The following PAPPA2 variants were observed in gnomAD, a reference collection of about 807,000 sequenced individuals.
PAPPA2 encodes the protein pappalysin-2.
In PAPPA2, 86 loss-of-function variants were observed where a neutral mutation model predicts 176.4. That is an observed-to-expected ratio of 0.49 (90% CI 0.41 to 0.58). The LOEUF is 0.58. Ranked by LOEUF, PAPPA2 falls within the 20% of genes least tolerant of loss-of-function variation. The pLI, the probability that PAPPA2 is intolerant of heterozygous loss-of-function variation, is 0.00. For missense variants in PAPPA2, 2,073 were observed against 2,256.9 expected (o/e 0.92, Z 1.65); for synonymous variants, 809 against 852.2 (o/e 0.95, Z 0.88).
At chr1:176,660,840 A>T (rs1419657668) in intron 3 of PAPPA2, among the ~76,000 whole-genome samples, 1 of 152,150 alleles carries the variant, frequency 6.6e-6, no homozygotes, top group Non-Finnish European at 1.5e-5. Flanking sequence ...AAATTTGTTT[A>T]TTTAATAATG....
intron 2 of PAPPA2, among the ~76,000 whole-genome samples, chr1:176,587,864 T>G (rs1653417270): frequency 6.6e-6 from 1 of 152,262 alleles, no homozygotes; most frequent in Non-Finnish European, 1.5e-5. Flanking sequence ...CTGCACGTTG[T>G]GCACATGTAC....
chr1:176,467,320 A>C (rs1651670844), intron 1 of PAPPA2, among the ~76,000 whole-genome samples: 5 of 152,190 alleles, frequency 3.3e-5, no homozygotes, highest in Admixed American at 3.3e-4. Flanking sequence ...TTGTAAGTTC[A>C]AGCAAGCTGA....
In PAPPA2 at chr1:176,724,362, G is replaced by T. The variant is rs1191472443; in HGVS notation, c.3798+12381G>T. Among the ~76,000 whole-genome samples, 4 of 152,276 alleles carry T rather than the reference G, an allele frequency of 2.6e-5. No homozygotes were observed. The South Asian group carries it at 8.3e-4, about 32-fold the overall frequency. ...CAGAAGGCATAATTCTTCCCAGAAA[G>T]TCCTTTGTATCTAAGTAATATAGAC... is the stretch of plus-strand genomic sequence containing the variant. On this transcript the variant is annotated intron_variant, in intron 12 of 22. Transcript: ENST00000367662.
At chr1:176,539,150 G>T (rs764533239) in intron 1 of PAPPA2, among the ~76,000 whole-genome samples, 1 of 152,186 alleles carries the variant, frequency 6.6e-6, no homozygotes, top group African/African-American at 2.4e-5. Context: ...CCCGGGTGCT[G>T]GTGCAGTTAG....
intron 1 of PAPPA2, among the ~76,000 whole-genome samples, chr1:176,541,581 C>T (rs1437287831): frequency 6.6e-6 from 1 of 152,182 alleles, no homozygotes; most frequent in South Asian, 2.1e-4. Context: ...AATAAATTTT[C>T]CTGCATCCTG....
chr1:176,829,029 A>T (rs761001930), intron 21 of PAPPA2, among the ~76,000 whole-genome samples: 5 of 152,112 alleles, frequency 3.3e-5, no homozygotes, highest in Non-Finnish European at 5.9e-5. Flanking sequence ...AAATAAATAA[A>T]GGAAAGAAAA....
intron 4 of PAPPA2, among the ~76,000 whole-genome samples, chr1:176,678,060 T>C (rs754499890): frequency 1.3e-5 from 2 of 152,142 alleles, no homozygotes; most frequent in Non-Finnish European, 2.9e-5. Context: ...AATTGAAGGA[T>C]AAGCAGGAGT....
intron 21 of PAPPA2, 88 bp downstream of exon 21, chr1:176,800,220 G>T: frequency 1.6e-6 from 2 of 1,287,102 alleles, no homozygotes; most frequent in Non-Finnish European, 1.1e-6. Context: ...TTTAGGACCT[G>T]GTCCCTCTCC....
intron 21 of PAPPA2, among the ~76,000 whole-genome samples, chr1:176,801,033 C>T (rs73048170): frequency 9.9e-4 from 150 of 151,908 alleles, no homozygotes; most frequent in African/African-American, 3.4e-3. Flanking sequence ...TTAAATAGGG[C>T]AGAATATTTC....
At chr1:176,791,295 C>G (rs756942347) in intron 18 of PAPPA2, 52 bp from the exon 19 acceptor site, 9 of 1,390,618 alleles carry the variant, frequency 6.5e-6, no homozygotes, top group Admixed American at 2.0e-5. Context: ...TTTTTCAACT[C>G]TCAATAAAGT....
Position 176,556,870 on chromosome 1 carries a change from C to G in PAPPA2, c.548C>G (p.Pro183Arg), listed in dbSNP as rs1651336616. ...GCCATTTTCACAACCCTGAACGAAC[C>G]CAAACCAGAGACCCAAAGGAGGGGC... The part of the protein sequence containing the change: ...TTAIFTTLNE[P>R]KPETQRRGWA... The change falls in exon 2 of 23, where the codon CCC (proline) becomes CGC (arginine). Residue 183 changes from proline (P) to arginine (R), a missense_variant. Coordinates refer to ENST00000367662, the MANE Select transcript of PAPPA2 (RefSeq NM_020318.3). 6.2e-7 allele frequency: 1 copy of G among 1,614,104 alleles called. No individual in the cohort carries two copies. Among genetic ancestry groups the G allele is most frequent in the Non-Finnish European group, 8.5e-7 (1 of 1,180,030 alleles).
At chr1:176,723,690 C>T (rs1456487341) in intron 12 of PAPPA2, among the ~76,000 whole-genome samples, 1 of 151,648 alleles carries the variant, frequency 6.6e-6, no homozygotes, top group Non-Finnish European at 1.5e-5. Flanking sequence ...ATCTTACTTG[C>T]CCAAAAAAAA....
chr1:176,691,400 C>T (rs1441317807), intron 5 of PAPPA2, among the ~76,000 whole-genome samples: 1 of 152,138 alleles, frequency 6.6e-6, no homozygotes, highest in Admixed American at 6.5e-5. Context: ...GTGAATAATT[C>T]AGGTGCATCA....
At chr1:176,625,990 T>C (rs1655983692) in intron 3 of PAPPA2, among the ~76,000 whole-genome samples, 1 of 152,038 alleles carries the variant, frequency 6.6e-6, no homozygotes, top group South Asian at 2.1e-4. Flanking sequence ...GCCACTGCTC[T>C]CCAGCCTGGG....
At chr1:176,809,334 T>C (rs986838701) in intron 21 of PAPPA2, among the ~76,000 whole-genome samples, 11 of 152,216 alleles carry the variant, frequency 7.2e-5, no homozygotes, top group Non-Finnish European at 1.5e-4. Flanking sequence ...CAAATTTAAC[T>C]TCATTGGAGT....
At chr1:176,825,476 T>C (rs1277700900) in intron 21 of PAPPA2, among the ~76,000 whole-genome samples, 1 of 152,208 alleles carries the variant, frequency 6.6e-6, no homozygotes, top group Non-Finnish European at 1.5e-5. Context: ...CCCTCTAGTA[T>C]GTCAGCGGCT....
chr1:176,597,237 T>C (rs1268638466), intron 3 of PAPPA2, among the ~76,000 whole-genome samples: 1 of 152,216 alleles, frequency 6.6e-6, no homozygotes, highest in African/African-American at 2.4e-5. Flanking sequence ...AGAAGTCTTG[T>C]CTGTAAACTA....
chr1:176,705,212 T>C (rs1199559551), intron 9 of PAPPA2, among the ~76,000 whole-genome samples: 1 of 152,188 alleles, frequency 6.6e-6, no homozygotes, highest in Admixed American at 6.5e-5. Flanking sequence ...CCACATTGCA[T>C]TTATATAGAA....
chr1:176,593,786 A>G (rs1218706491), intron 2 of PAPPA2, among the ~76,000 whole-genome samples: 4 of 152,240 alleles, frequency 2.6e-5, no homozygotes, highest in Admixed American at 2.0e-4. Flanking sequence ...ATCTGGAAAC[A>G]GTCTGCTTCC....
Sources: allele counts gnomAD v4.1 joint callset (sites outside exome capture counted in the v4.1 genomes callset), GRCh38; gene constraint gnomAD v4.1.1; transcripts MANE v1.5; gene names NCBI Gene and HGNC (gene_info 2026-07-23, HGNC 2026-07-21).